SRSF11: variants seen among roughly 807,000 people sequenced by gnomAD.
SRSF11 encodes the protein serine/arginine-rich splicing factor 11.
A neutral mutation model predicts 56.0 loss-of-function variants in SRSF11; 9 were observed. That is an observed-to-expected ratio of 0.16 (90% CI 0.10 to 0.28). The LOEUF (loss-of-function observed/expected upper bound fraction) is 0.28. Among genes scored for constraint, SRSF11 ranks in the 10% least tolerant of loss-of-function variants. The pLI, the probability that SRSF11 is intolerant of heterozygous loss-of-function variation, is 1.00. For missense variants in SRSF11, 421 were observed against 600.7 expected (o/e 0.70, Z 3.13); for synonymous variants, 222 against 215.3 (o/e 1.03, Z -0.27).
chr1:70,233,564 C>T (rs949901934), intron 3 of SRSF11, among the ~76,000 whole-genome samples: 1 of 152,114 alleles, frequency 6.6e-6, no homozygotes, highest in African/African-American at 2.4e-5. Flanking sequence ...TTTCTAAATT[C>T]CTTTAATGTA....
chr1:70,227,563 C>G (rs544008213), intron 1 of SRSF11, among the ~76,000 whole-genome samples: 65 of 152,282 alleles, frequency 4.3e-4, no homozygotes, highest in African/African-American at 1.5e-3. Context: ...AGGGCACTAG[C>G]TTTCCAAATA....
chr1:70,224,528 A>C (rs1671352021), intron 1 of SRSF11, among the ~76,000 whole-genome samples: 1 of 152,082 alleles, frequency 6.6e-6, no homozygotes, highest in African/African-American at 2.4e-5. Context: ...TGTATGACTG[A>C]ACCTCACCCA....
intron 3 of SRSF11, among the ~76,000 whole-genome samples, chr1:70,232,814 A>G (rs527824568): frequency 6.6e-5 from 10 of 152,268 alleles, no homozygotes; most frequent in Middle Eastern, 3.4e-3. Context: ...AACAAAGGCA[A>G]TTCTTGATGG....
At position 70,221,435 on chromosome 1, in the gene SRSF11, C is replaced by G; in HGVS notation, c.-202C>G. Reference sequence around the variant, plus strand: ...CCGTTTGTTTTCTCGTGGTCTCGAGCTCGCGCGCTCTCATCCCCTCCCCCG... The same window carrying G: ...CCGTTTGTTTTCTCGTGGTCTCGAGGTCGCGCGCTCTCATCCCCTCCCCCG... On this transcript the variant is annotated 5_prime_UTR_variant, in exon 1 of 12. Coordinates refer to ENST00000370949, the MANE Select transcript of SRSF11 (RefSeq NM_001350605.2). The G allele has an allele frequency of 3.0e-6, 2 of 672,068 alleles. No homozygotes were observed. Among genetic ancestry groups the G allele is most frequent in the Non-Finnish European group, 4.9e-6 (2 of 412,120 alleles). The allele number at this position is 672,068 out of a possible 1,614,324, so 41.6% of individuals were successfully genotyped here.
In SRSF11 at chr1:70,244,815, G is replaced by C; in HGVS notation, c.932G>C (p.Arg311Thr). ...AGGTCAAGGAGCACATCAAAAACAA[G>C]GTATAGCATTGGGTGAGAAAGCAAA... ...GRRSRSTSKT[R>T]DKKKEDKEKK... Residue 311 changes from arginine to threonine, a missense_variant and splice_region_variant, in exon 8 of 12, where the codon AGA becomes ACA. Physicochemically the swap from Arg to Thr is moderately conservative, Grantham distance 71 (BLOSUM62 -1). Transcript: ENST00000370949. 6.2e-7 allele frequency: 1 copy of C among 1,613,970 alleles called. No homozygotes were observed. The highest frequency in any genetic ancestry group is 8.5e-7 in the Non-Finnish European group (1 of 1,179,942).
intron 1 of SRSF11, among the ~76,000 whole-genome samples, chr1:70,209,888 G>A (rs1000219287): frequency 2.0e-5 from 3 of 150,626 alleles, no homozygotes; most frequent in African/African-American, 4.9e-5. Context: ...CATGAGCCAC[G>A]ATGCCTGGCC....
chr1:70,230,410 A>G lies in SRSF11; in HGVS notation c.337+1855A>G. ...AGAACAGTAGACATAGTCTACGGTA[A>G]GGAATAGTCTTAATTGGTAAAACTA... On this transcript the variant is annotated intron_variant, in intron 2 of 11. Coordinates refer to ENST00000370949, the MANE Select transcript of SRSF11 (RefSeq NM_001350605.2). 11 of 1,144,542 alleles carry G rather than the reference A, an allele frequency of 9.6e-6. No individual in the cohort carries two copies. The South Asian group carries it at 2.0e-4, about 21-fold the overall frequency. 70.9% of individuals were successfully genotyped at this position (1,144,542 alleles called of 1,614,324 possible). A position where few individuals can be genotyped will look rare whatever the true frequency, so the allele number is the denominator to read the frequency against.
At chr1:70,245,930 A>C (rs1480020742) in intron 8 of SRSF11, among the ~76,000 whole-genome samples, 1 of 152,150 alleles carries the variant, frequency 6.6e-6, no homozygotes, top group African/African-American at 2.4e-5. Flanking sequence ...ACTGGGACCT[A>C]CTAGGGGACT....
intron 1 of SRSF11, among the ~76,000 whole-genome samples, chr1:70,214,091 T>C (rs1438948008): frequency 6.6e-6 from 1 of 152,240 alleles, no homozygotes; most frequent in Non-Finnish European, 1.5e-5. Context: ...ATGGTGCATA[T>C]GTTTAATTCC....
intron 1 of SRSF11, among the ~76,000 whole-genome samples, chr1:70,215,603 A>G (rs1310247648): frequency 2.0e-5 from 3 of 152,222 alleles, no homozygotes; most frequent in South Asian, 2.1e-4. Flanking sequence ...GGGAAGAGCT[A>G]TTTAACAACT....
At chr1:70,226,048 G>A (rs940087963) in intron 1 of SRSF11, among the ~76,000 whole-genome samples, 30 of 152,152 alleles carry the variant, frequency 2.0e-4, no homozygotes, top group African/African-American at 6.3e-4. Context: ...AAAATTAGCC[G>A]GACGTGGTGG....
At chr1:70,230,646 T>A in intron 2 of SRSF11, 1 of 1,258,308 alleles carries the variant, frequency 7.9e-7, no homozygotes, top group African/African-American at 1.6e-5. Context: ...TATTTTTAAA[T>A]TGTAGTTTTA....
At position 70,252,488 on chromosome 1, in the gene SRSF11, T is replaced by G. The variant is rs1232456277; in HGVS notation, c.*1683T>G. ...CAAGTTTTGAGTATAAATAGGGTTT[T>G]GTTTTGTTTTTTTTAACCTAAAAAC... On this transcript the variant is annotated 3_prime_UTR_variant, in exon 12 of 12. Transcript: ENST00000370949. The G allele has an allele frequency of 6.6e-6, 1 of 152,104 alleles. No individual in the cohort carries two copies. The highest frequency in any genetic ancestry group is 1.5e-5 in the Non-Finnish European group (1 of 67,982). The allele number at this position is 152,104 out of a possible 1,614,324, so 9.4% of individuals were successfully genotyped here.
At position 70,221,543 on chromosome 1, in the gene SRSF11, C is replaced by T; in HGVS notation, c.-94C>T. On this transcript the variant is annotated 5_prime_UTR_variant, in exon 1 of 12. Transcript: ENST00000370949. ...AGAGGCTGTAGCATCGGACACCCTCCTCTCTCCCGCAATCCGGTTCCTCTT... is the reference window on the plus strand; with the variant it reads ...AGAGGCTGTAGCATCGGACACCCTCTTCTCTCCCGCAATCCGGTTCCTCTT... 4.7e-6 allele frequency: 7 copies of T among 1,491,784 alleles called. No individual in the cohort carries two copies. The highest frequency in any genetic ancestry group is 1.3e-5 in the South Asian group (1 of 74,646). The allele number at this position is 1,491,784 out of a possible 1,614,324, so 92.4% of individuals were successfully genotyped here. A position where few individuals can be genotyped will look rare whatever the true frequency, so the allele number is the denominator to read the frequency against.
intron 1 of SRSF11, among the ~76,000 whole-genome samples, chr1:70,212,950 G>A (rs191080454): frequency 6.6e-6 from 1 of 151,884 alleles, no homozygotes; most frequent in Non-Finnish European, 1.5e-5. Context: ...TACTGGGGGG[G>A]TGGGGGTAAG....
chr1:70,230,346 A>G, intron 2 of SRSF11: 2 of 1,063,856 alleles, frequency 1.9e-6, no homozygotes, highest in African/African-American at 1.7e-5. Flanking sequence ...CTCCAGATTT[A>G]GCTATTACAC....
Position 70,252,009 on chromosome 1 carries a change from G to C in SRSF11, c.*1204G>C, listed in dbSNP as rs938465121. 1.3e-5 allele frequency: 2 copies of C among 152,556 alleles called. No homozygotes were observed. The highest frequency in any genetic ancestry group is 2.9e-5 in the Non-Finnish European group (2 of 67,992). 9.5% of individuals were successfully genotyped at this position (152,556 alleles called of 1,614,324 possible). A position where few individuals can be genotyped will look rare whatever the true frequency, so the allele number is the denominator to read the frequency against. Reference sequence around the variant, plus strand: ...ATAAAACCCTTAAACTTATGTTCATGTTCCTGTAAAACCGTATTTGTATTT... The same window carrying C: ...ATAAAACCCTTAAACTTATGTTCATCTTCCTGTAAAACCGTATTTGTATTT... On this transcript the variant is annotated 3_prime_UTR_variant, in exon 12 of 12. Transcript: ENST00000370949.
chr1:70,247,031 T>G (rs1676920123), intron 9 of SRSF11, 124 bp downstream of exon 9: 2 of 1,105,182 alleles, frequency 1.8e-6, no homozygotes, highest in Non-Finnish European at 2.4e-6. Flanking sequence ...AAAGTTACAT[T>G]TTGCTGTTAT....
chr1:70,205,708 G>C, upstream of SRSF11: 1 of 597,042 alleles, frequency 1.7e-6, no homozygotes, highest in Non-Finnish European at 2.7e-6. Flanking sequence ...CAGCACCAGC[G>C]CCTGGGCTGG....
Sources: allele counts gnomAD v4.1 joint callset (sites outside exome capture counted in the v4.1 genomes callset), GRCh38; gene constraint gnomAD v4.1.1; transcripts MANE v1.5; gene names NCBI Gene and HGNC (gene_info 2026-07-23, HGNC 2026-07-21).